Variants in CUBN observed in about 807,000 individuals in gnomAD.
CUBN encodes cubilin.
Under a neutral mutation model 405.3 loss-of-function variants are expected in CUBN, and 282 were observed. The ratio of observed to expected loss-of-function variants is 0.70; its 90% CI spans 0.63 to 0.77. The LOEUF is 0.77. Ranked by LOEUF, CUBN falls within the 30% of genes least tolerant of loss-of-function variation. CUBN has a pLI of 0.00. For synonymous variants in CUBN, 1,684 were observed against 1,617.0 expected (o/e 1.04, Z -0.99); for missense variants, 4,514 against 4,475.2 (o/e 1.01, Z -0.25).
chr10:17,062,089 A>G (rs548030845), intron 22 of CUBN, among the ~76,000 whole-genome samples: 9 of 152,218 alleles, frequency 5.9e-5, no homozygotes, highest in Non-Finnish European at 1.0e-4. Context: ...TACTACAAAC[A>G]GTTCTCATGA....
chr10:16,857,043 A>G (rs72771376), intron 59 of CUBN, among the ~76,000 whole-genome samples: 6,368 of 152,288 alleles, frequency 0.042, 199 homozygotes, highest in Non-Finnish European at 0.066. Flanking sequence ...ATGTAAAAAC[A>G]TTCTACTAGG....
chr10:16,990,878 G>T lies in CUBN; in HGVS notation c.4169-363C>A, dbSNP rs577562333. On this transcript the variant is annotated intron_variant, in intron 28 of 66. Transcript: ENST00000377833. ...AACATAGTCGGAAGTACAATGGACC[G>T]TGTGAGCCGTGGTCGTGAACTTCAG... is the stretch of plus-strand genomic sequence containing the variant. Among the ~76,000 whole-genome samples the T allele has an allele frequency of 9.2e-5, 14 of 152,216 alleles. No homozygotes were observed. The East Asian group carries it at 2.7e-3, about 29-fold the overall frequency.
At chr10:17,036,217 T>C (rs57253181) in intron 27 of CUBN, among the ~76,000 whole-genome samples, 9,055 of 152,056 alleles carry the variant, frequency 0.06, 811 homozygotes, top group African/African-American at 0.19. Flanking sequence ...TGCTGGGGAT[T>C]TGTCACCAAG....
chr10:17,012,922 T>C (rs980234947), intron 28 of CUBN, among the ~76,000 whole-genome samples: 1 of 152,226 alleles, frequency 6.6e-6, no homozygotes, highest in Non-Finnish European at 1.5e-5. Flanking sequence ...GGGACCTTTG[T>C]ATGGTAATTA....
Position 17,105,556 on chromosome 10 carries a change from C to G in CUBN, c.1131G>C (p.Thr377=), listed in dbSNP as rs778306723. The G allele has an allele frequency of 1.4e-5, 23 of 1,604,462 alleles. No homozygotes were observed. Among genetic ancestry groups the G allele is most frequent in the Middle Eastern group, 1.6e-4 (1 of 6,072 alleles). ...SSTLGSLPLC[T]CLPGYTGNGY... ...CATTTCCAGTATAACCCGGGAGACACGTGCAGAGAGGTAAGGAACCTGTTC... is the reference window on the plus strand; with the variant it reads ...CATTTCCAGTATAACCCGGGAGACAGGTGCAGAGAGGTAAGGAACCTGTTC... The change falls in exon 11 of 67, where the codon ACG becomes ACC. Residue 377 remains threonine, a synonymous_variant. Coordinates refer to ENST00000377833, the MANE Select transcript of CUBN (RefSeq NM_001081.4).
intron 25 of CUBN, among the ~76,000 whole-genome samples, chr10:17,044,614 G>C (rs1403079730): frequency 6.6e-6 from 1 of 151,986 alleles, no homozygotes; most frequent in African/African-American, 2.4e-5. Context: ...AATGAACAAT[G>C]GTGAATTGCT....
intron 55 of CUBN, among the ~76,000 whole-genome samples, chr10:16,888,777 G>A (rs1044356330): frequency 2.6e-5 from 4 of 151,916 alleles, no homozygotes; most frequent in Non-Finnish European, 5.9e-5. Context: ...AGAAAATGCT[G>A]CAGAGTTTTA....
rs114811950 is a variant in CUBN, at chr10:16,953,103, C to T, written c.4856-714G>A. 6.1e-3 allele frequency among the ~76,000 whole-genome samples: 929 copies of T among 152,150 alleles called. 8 individuals carry two copies. The highest frequency in any genetic ancestry group is 0.021 in the African/African-American group (881 of 41,514). Reference sequence around the variant, plus strand: ...CTTTATTCTCCAGGCCAGGTGGAGACGGGACAGACATTGAGCATTCCAATG... The same window carrying T: ...CTTTATTCTCCAGGCCAGGTGGAGATGGGACAGACATTGAGCATTCCAATG... On this transcript the variant is annotated intron_variant, in intron 32 of 66. Coordinates refer to ENST00000377833, the MANE Select transcript of CUBN (RefSeq NM_001081.4).
intron 13 of CUBN, among the ~76,000 whole-genome samples, chr10:17,101,091 A>G (rs113758291): frequency 1.3e-5 from 2 of 152,352 alleles, no homozygotes; most frequent in East Asian, 1.9e-4. Context: ...GAAAAAGAAT[A>G]TAAGGAATTT....
intron 27 of CUBN, among the ~76,000 whole-genome samples, chr10:17,034,596 A>C (rs1360508040): frequency 6.6e-6 from 1 of 152,140 alleles, no homozygotes; most frequent in Non-Finnish European, 1.5e-5. Context: ...GGATTTGGTT[A>C]AGTCTGGGAT....
chr10:17,079,350 C>T (rs1047421412), intron 17 of CUBN, among the ~76,000 whole-genome samples: 4 of 151,688 alleles, frequency 2.6e-5, no homozygotes, highest in African/African-American at 9.7e-5. Flanking sequence ...ATTCTCCTGC[C>T]TCAGCCTCCC....
chr10:16,892,005 C>T (rs181148062), intron 54 of CUBN, among the ~76,000 whole-genome samples: 134 of 152,230 alleles, frequency 8.8e-4, no homozygotes, highest in Non-Finnish European at 1.6e-3. Context: ...GGAATGATAC[C>T]AAATTACTCA....
chr10:16,909,773 A>C (rs1841668412), intron 48 of CUBN, among the ~76,000 whole-genome samples: 1 of 152,132 alleles, frequency 6.6e-6, no homozygotes, highest in Non-Finnish European at 1.5e-5. Context: ...AGAAACTACA[A>C]CTCTCAGAGT....
At chr10:17,052,741 C>T (rs889930401) in intron 22 of CUBN, among the ~76,000 whole-genome samples, 3 of 103,366 alleles carry the variant, frequency 2.9e-5, no homozygotes, top group Non-Finnish European at 5.3e-5. Context: ...GCCTGGGCAA[C>T]AGACTGAGAC....
At chr10:17,026,831 C>T (rs750862231) in intron 27 of CUBN, among the ~76,000 whole-genome samples, 4 of 152,182 alleles carry the variant, frequency 2.6e-5, no homozygotes, top group African/African-American at 4.8e-5. Context: ...TAAGTCCCCT[C>T]CATAAGGCAC....
At chr10:16,961,754 C>A (rs1843225868) in intron 31 of CUBN, among the ~76,000 whole-genome samples, 1 of 127,938 alleles carries the variant, frequency 7.8e-6, no homozygotes, top group Non-Finnish European at 1.6e-5. Context: ...CTCTGTGGCC[C>A]AGGCTGGAGT....
intron 30 of CUBN, 128 bp from the exon 31 acceptor site, chr10:16,982,781 G>A: frequency 1.2e-6 from 1 of 829,670 alleles, no homozygotes; most frequent in Non-Finnish European, 2.0e-6. Context: ...AAACACTGAA[G>A]AATTTGATAT....
intron 53 of CUBN, 78 bp downstream of exon 53, chr10:16,900,546 AG>A: frequency 9.1e-7 from 1 of 1,101,110 alleles, no homozygotes; most frequent in Non-Finnish European, 1.4e-6. Flanking sequence ...GATGTAAAGT[AG>A]GTACAAAATG....
At chr10:17,040,376 C>A (rs1161031359) in intron 27 of CUBN, among the ~76,000 whole-genome samples, 1 of 151,982 alleles carries the variant, frequency 6.6e-6, no homozygotes, top group African/African-American at 2.4e-5. Context: ...AACGTAGATG[C>A]CAAAATAACC....
Sources: allele counts gnomAD v4.1 joint callset (sites outside exome capture counted in the v4.1 genomes callset), GRCh38; gene constraint gnomAD v4.1.1; transcripts MANE v1.5; gene names NCBI Gene and HGNC (gene_info 2026-07-23, HGNC 2026-07-21).